The following ARLN variants were observed in gnomAD, a reference collection of about 807,000 sequenced individuals.
The protein encoded by ARLN is allregulin, also known as sarcoplasmic/endoplasmic reticulum calcium ATPase regulator ARLN.
chr4:119,300,691 GC>G, the ARLN span: 3 of 1,532,650 alleles, frequency 2.0e-6, no homozygotes, highest in African/African-American at 4.1e-5. Context: ...ACTCTTCCCA[GC>G]GCGCAGGCGC....
chr4:119,296,918 AT>A, the ARLN span: 1 of 152,232 alleles, frequency 6.6e-6, no homozygotes, highest in East Asian at 1.9e-4. Context: ...TAGTAGGCTG[AT>A]TTTAGGCTCA....
At chr4:119,300,493 G>T in the ARLN span, 1 of 1,613,880 alleles carries the variant, frequency 6.2e-7, no homozygotes, top group East Asian at 2.2e-5. Context: ...CGCCGCTCCC[G>T]GAGACCATCT....
chr4:119,302,359 G>A, the ARLN span, among the ~76,000 whole-genome samples: 1 of 152,164 alleles, frequency 6.6e-6, no homozygotes, highest in Non-Finnish European at 1.5e-5. Flanking sequence ...ACTAAATTCA[G>A]TTGAAAGATT....
chr4:119,300,203 G>A, the ARLN span: 2 of 724,446 alleles, frequency 2.8e-6, no homozygotes, highest in Non-Finnish European at 2.4e-6. Flanking sequence ...CCACCCACCC[G>A]ACTGCGCCAC....
At chr4:119,301,386 T>C in the ARLN span, among the ~76,000 whole-genome samples, 1 of 151,522 alleles carries the variant, frequency 6.6e-6, no homozygotes, top group South Asian at 2.1e-4. Flanking sequence ...ATCGTGCCAC[T>C]ATTGCACTCC....
the ARLN span, among the ~76,000 whole-genome samples, chr4:119,302,718 T>C: frequency 6.6e-6 from 1 of 152,228 alleles, no homozygotes; most frequent in African/African-American, 2.4e-5. Flanking sequence ...ACTGCAACCA[T>C]GATCCAACAC....
chr4:119,300,599 G>A, the ARLN span: 13 of 1,610,856 alleles, frequency 8.1e-6, 1 homozygote, highest in South Asian at 1.1e-4. Context: ...GGACTTTGGT[G>A]TTCGCCGCAC....
chr4:119,300,446 C>T, the ARLN span: 1 of 1,614,118 alleles, frequency 6.2e-7, no homozygotes, highest in Non-Finnish European at 8.5e-7. Context: ...ACTGAGGCCT[C>T]ACATCGAAGT....
chr4:119,298,040 A>T, the ARLN span: 1 of 152,332 alleles, frequency 6.6e-6, no homozygotes, highest in Non-Finnish European at 1.5e-5. Context: ...ATACAAGTAA[A>T]TATTTTGGGC....
the ARLN span, chr4:119,300,632 C>T: frequency 6.3e-7 from 1 of 1,588,314 alleles, no homozygotes; most frequent in Non-Finnish European, 8.6e-7. Context: ...GGAGTCCGGC[C>T]GCCTGCGCAG....
the ARLN span, among the ~76,000 whole-genome samples, chr4:119,303,535 T>C: frequency 6.6e-6 from 1 of 152,210 alleles, no homozygotes; most frequent in South Asian, 2.1e-4. Context: ...GCACCCAGGC[T>C]GTTCTCTTTC....
At chr4:119,297,972 T>G in the ARLN span, 2 of 152,598 alleles carry the variant, frequency 1.3e-5, no homozygotes, top group East Asian at 1.9e-4. Context: ...GCTCAAATAT[T>G]TGTTGAATGA....
the ARLN span, among the ~76,000 whole-genome samples, chr4:119,302,020 T>C: frequency 6.6e-6 from 1 of 152,222 alleles, no homozygotes; most frequent in African/African-American, 2.4e-5. Flanking sequence ...AAAAAGACCC[T>C]GGGCTTAAGT....
the ARLN span, chr4:119,300,553 G>T: frequency 6.2e-7 from 1 of 1,613,948 alleles, no homozygotes; most frequent in African/African-American, 1.3e-5. Context: ...CTGCAGCTTC[G>T]TAACAACCCT....
chr4:119,299,104 T>C, the ARLN span, among the ~76,000 whole-genome samples: 1 of 152,156 alleles, frequency 6.6e-6, no homozygotes, highest in African/African-American at 2.4e-5. Context: ...ACCCCTTTTT[T>C]TGAGACAGGG....
the ARLN span, chr4:119,298,644 A>AAAATG: frequency 1.9e-5 from 11 of 565,204 alleles, no homozygotes; most frequent in Non-Finnish European, 2.9e-5. Context: ...AACAAAGTGT[A>AAAATG]AAATGAAAGG....
chr4:119,304,230 G>A, the ARLN span: 1 of 1,517,120 alleles, frequency 6.6e-7, no homozygotes. Flanking sequence ...TCCATTCTTG[G>A]TATTTCTAAC....
the ARLN span, chr4:119,300,262 C>A: frequency 8.2e-7 from 1 of 1,220,390 alleles, no homozygotes; most frequent in South Asian, 1.4e-5. Flanking sequence ...GGAATTCAGT[C>A]CCCTCCCCGC....
At chr4:119,302,081 A>G in the ARLN span, among the ~76,000 whole-genome samples, 1 of 152,252 alleles carries the variant, frequency 6.6e-6, no homozygotes, top group African/African-American at 2.4e-5. Context: ...AATTGCCTCT[A>G]CCAGAGATGG....
Sources: gnomAD v4.1 joint callset for allele counts (sites outside exome capture counted in the v4.1 genomes callset) on GRCh38, gnomAD v4.1.1 for gene constraint, MANE v1.5 for transcripts, NCBI Gene and HGNC (gene_info 2026-07-23, HGNC 2026-07-21) for gene names.